The following CLSTN2 variants were observed in gnomAD, a reference collection of about 807,000 sequenced individuals.
CLSTN2 encodes calsyntenin 2, also known as calsyntenin-2.
Under a neutral mutation model 101.2 loss-of-function variants are expected in CLSTN2, and 48 were observed. That is an observed-to-expected ratio of 0.47 (90% CI 0.38 to 0.60). The LOEUF (loss-of-function observed/expected upper bound fraction) is 0.60. CLSTN2 is among the 20% of genes least tolerant of loss of function. The pLI is 0.00. For missense variants in CLSTN2, 1,160 were observed against 1,238.2 expected, an observed-to-expected ratio of 0.94 and a Z score of 0.95; for synonymous variants, 481 against 463.6, an observed-to-expected ratio of 1.04 and a Z score of -0.48.
chr3:140,115,766 C>T (rs1393023849), intron 1 of CLSTN2, among the ~76,000 whole-genome samples: 1 of 152,196 alleles, frequency 6.6e-6, no homozygotes. Context: ...ACTGAGAAAA[C>T]GTCCCCATCC....
rs1327972447 is a variant in CLSTN2 at position 140,563,212 on chromosome 3, C to T, written c.2482+9C>T. 6.2e-7 allele frequency: 1 copy of T among 1,612,886 alleles called. No homozygotes were observed. The highest frequency in any genetic ancestry group is 2.2e-5 in the East Asian group (1 of 44,846). On this transcript the variant is annotated intron_variant, in intron 15 of 16. Coordinates refer to ENST00000458420, the MANE Select transcript of CLSTN2 (RefSeq NM_022131.3). ...CATCCAGCACAGTTCAGGTAGGGTG[C>T]CCAAGAGGAGGGACCCTCAGGACAC... is the stretch of plus-strand genomic sequence containing the variant.
intron 8 of CLSTN2, among the ~76,000 whole-genome samples, chr3:140,519,525 T>C (rs1249291088): frequency 6.6e-6 from 1 of 152,244 alleles, no homozygotes; most frequent in African/African-American, 2.4e-5. Context: ...CTGTATTGAG[T>C]GCATATATAT....
At chr3:140,560,989 AATAATAT>A (rs1375930485) in intron 12 of CLSTN2, among the ~76,000 whole-genome samples, 45 of 151,802 alleles carry the variant, frequency 3.0e-4, no homozygotes, top group African/African-American at 1.1e-3. Flanking sequence ...AATTATTTAT[AATAATAT>A]ATAATATATA....
At chr3:140,027,870 A>G (rs1443959064) in intron 1 of CLSTN2, among the ~76,000 whole-genome samples, 3 of 152,200 alleles carry the variant, frequency 2.0e-5, no homozygotes, top group African/African-American at 7.2e-5. Context: ...TTGAGAGCAG[A>G]AGCTGTGGCA....
Position 140,566,151 on chromosome 3 carries a change from C to G in CLSTN2, c.2766C>G (p.Ser922Arg). The G allele has an allele frequency of 6.2e-7, 1 of 1,611,804 alleles. No homozygotes were observed. The highest frequency in any genetic ancestry group is 8.5e-7 in the Non-Finnish European group (1 of 1,178,338). ...GCTCCAGCAGTGGCTCTGACGACAG[C>G]GAAGAGGAGGAGGAGGAGGAAGGGA... is the stretch of plus-strand genomic sequence containing the variant. Reference protein sequence around the residue: ...EMSSSSGSDDSEEEEEEEGMG... With the variant: ...EMSSSSGSDDREEEEEEEGMG... The change falls in exon 17 of 17, where the codon AGC becomes AGG. Residue 922 changes from serine to arginine, a missense_variant. Ser to Arg is a moderately radical substitution (Grantham distance 110, BLOSUM62 -1). Transcript: ENST00000458420.
At position 140,118,272 on chromosome 3, in the gene CLSTN2, C is replaced by A. The variant is rs569591371; in HGVS notation, c.110-57679C>A. Among the ~76,000 whole-genome samples the A allele has an allele frequency of 2.6e-5, 4 of 152,026 alleles. No individual in the cohort carries two copies. The South Asian group carries it at 6.3e-4, about 24-fold the overall frequency. On this transcript the variant is annotated intron_variant, in intron 1 of 16. Coordinates refer to ENST00000458420, the MANE Select transcript of CLSTN2 (RefSeq NM_022131.3). ...AATAAATGTTTGTGTTTAAAGCCAC[C>A]CAGTCTGTGGTACTTGGTTGTGGCT... is the stretch of plus-strand genomic sequence containing the variant.
chr3:140,401,443 G>GAATTT (rs1387721372), intron 2 of CLSTN2, among the ~76,000 whole-genome samples: 2 of 152,198 alleles, frequency 1.3e-5, no homozygotes, highest in East Asian at 3.8e-4. Context: ...GAATTGAATT[G>GAATTT]TTCCGTAGAT....
intron 1 of CLSTN2, among the ~76,000 whole-genome samples, chr3:139,974,672 T>A (rs1475506128): frequency 6.6e-6 from 1 of 152,216 alleles, no homozygotes; most frequent in Non-Finnish European, 1.5e-5. Context: ...AAATCCCTGT[T>A]AAGAGGTAGA....
intron 2 of CLSTN2, among the ~76,000 whole-genome samples, chr3:140,179,337 A>G (rs1208786397): frequency 1.3e-5 from 2 of 149,974 alleles, no homozygotes; most frequent in East Asian, 3.9e-4. Context: ...AAAAATTGTG[A>G]TCATGCTGGG....
rs571847459 is a variant in CLSTN2 at position 140,278,192 on chromosome 3, G to A, written c.232+102119G>A. 4.6e-5 allele frequency among the ~76,000 whole-genome samples: 7 copies of A among 152,280 alleles called. No homozygotes were observed. The East Asian group carries it at 1.4e-3, about 29-fold the overall frequency. Reference sequence around the variant, plus strand: ...AATTGGATTACAGTAAGTCATAGTTGCCTGGACAATTGTGGCCTGAATTTA... The same window carrying A: ...AATTGGATTACAGTAAGTCATAGTTACCTGGACAATTGTGGCCTGAATTTA... On this transcript the variant is annotated intron_variant, in intron 2 of 16. Transcript: ENST00000458420.
chr3:140,562,024 G>A, intron 12 of CLSTN2, 114 bp from the exon 13 acceptor site: 1 of 865,724 alleles, frequency 1.2e-6, no homozygotes, highest in Non-Finnish European at 1.8e-6. Context: ...CACAGACTCT[G>A]CTCCTGACCC....
chr3:139,987,552 G>A (rs999990455), intron 1 of CLSTN2, among the ~76,000 whole-genome samples: 2 of 152,112 alleles, frequency 1.3e-5, no homozygotes, highest in Admixed American at 1.3e-4. Flanking sequence ...TTATGCCATC[G>A]GCTTAGAGCT....
intron 8 of CLSTN2, among the ~76,000 whole-genome samples, chr3:140,494,514 T>C (rs989901151): frequency 3.3e-5 from 5 of 152,228 alleles, no homozygotes; most frequent in African/African-American, 9.6e-5. Flanking sequence ...GCTTGTTACA[T>C]AGGTAAATGT....
At chr3:140,376,177 C>T (rs886460749) in intron 2 of CLSTN2, among the ~76,000 whole-genome samples, 4 of 152,174 alleles carry the variant, frequency 2.6e-5, no homozygotes, top group Admixed American at 6.5e-5. Context: ...TCCAGAACTC[C>T]CTACTATCTA....
intron 1 of CLSTN2, among the ~76,000 whole-genome samples, chr3:140,124,162 A>G (rs1468947968): frequency 1.3e-5 from 2 of 152,184 alleles, no homozygotes; most frequent in African/African-American, 4.8e-5. Context: ...AGGGAGAGGA[A>G]AAGCACATGC....
At chr3:139,985,644 G>C (rs1193700547) in intron 1 of CLSTN2, among the ~76,000 whole-genome samples, 1 of 152,156 alleles carries the variant, frequency 6.6e-6, no homozygotes, top group Non-Finnish European at 1.5e-5. Flanking sequence ...GAGAACTGTA[G>C]CTGTCACTAA....
intron 8 of CLSTN2, chr3:140,507,242 A>G (rs1346222360): frequency 1.3e-5 from 2 of 152,198 alleles, no homozygotes. Flanking sequence ...TACATGTATT[A>G]ACTCAATCAT....
chr3:140,518,769 G>A (rs558574588), intron 8 of CLSTN2, among the ~76,000 whole-genome samples: 122 of 152,290 alleles, frequency 8.0e-4, no homozygotes, highest in Non-Finnish European at 1.2e-3. Context: ...AGTTCACGAC[G>A]TGAGCCTCCA....
intron 8 of CLSTN2, among the ~76,000 whole-genome samples, chr3:140,489,610 G>A (rs1934303569): frequency 6.6e-6 from 1 of 152,058 alleles, no homozygotes; most frequent in African/African-American, 2.4e-5. Context: ...ACCTGACAAT[G>A]TTTAAACACC....
Sources: gnomAD v4.1 joint callset for allele counts (sites outside exome capture counted in the v4.1 genomes callset) on GRCh38, gnomAD v4.1.1 for gene constraint, MANE v1.5 for transcripts, NCBI Gene and HGNC (gene_info 2026-07-23, HGNC 2026-07-21) for gene names.